The following RAET1G variants were observed in gnomAD, a reference collection of about 807,000 sequenced individuals.
RAET1G encodes retinoic acid early transcript 1G.
RAET1G carries 25 observed loss-of-function variants against 29.5 expected under a neutral mutation model. The ratio of observed to expected loss-of-function variants is 0.85; its 90% CI spans 0.62 to 1.18. RAET1G has a LOEUF of 1.18. Among genes scored for constraint, RAET1G ranks in the 50% most tolerant of loss-of-function variants. RAET1G has a pLI of 0.00. For synonymous variants in RAET1G, 167 were observed against 159.5 expected (o/e 1.05, Z -0.36); for missense variants, 434 against 423.6 (o/e 1.02, Z -0.22).
In RAET1G at chr6:149,919,330, C is replaced by G. The variant is rs1434596751; in HGVS notation, c.350-6G>C. Reference sequence around the variant, plus strand: ...GGCCTGCAGGGTGAGGGGTTCTGCCCCCATCAAAGAGAGATCAGCTCTGGC... The same window carrying G: ...GGCCTGCAGGGTGAGGGGTTCTGCCGCCATCAAAGAGAGATCAGCTCTGGC... On this transcript the variant is annotated splice_polypyrimidine_tract_variant and splice_region_variant and intron_variant, in intron 2 of 4. Coordinates refer to ENST00000367360, the MANE Select transcript of RAET1G (RefSeq NM_001001788.4). The G allele has an allele frequency of 1.2e-6, 2 of 1,611,896 alleles. No homozygotes were observed. Among genetic ancestry groups the G allele is most frequent in the Admixed American group, 1.7e-5 (1 of 59,890 alleles).
intron 1 of RAET1G, 89 bp from the exon 2 acceptor site, chr6:149,919,905 T>A: frequency 6.2e-7 from 1 of 1,609,850 alleles, no homozygotes. Flanking sequence ...AGGAAGCCTC[T>A]GGAGGGCTGG....
At chr6:149,922,336 G>C (rs1399169106) in intron 1 of RAET1G, among the ~76,000 whole-genome samples, 12 of 152,282 alleles carry the variant, frequency 7.9e-5, no homozygotes, top group African/African-American at 1.4e-4. Flanking sequence ...CTGAGGTGGG[G>C]AGTAAGAGGA....
At chr6:149,920,095 A>G (rs1045298944) in intron 1 of RAET1G, among the ~76,000 whole-genome samples, 2 of 152,160 alleles carry the variant, frequency 1.3e-5, no homozygotes, top group African/African-American at 4.8e-5. Flanking sequence ...ACCTTGCTAG[A>G]GAGGTGCCAG....
chr6:149,921,600 C>T (rs868284032), intron 1 of RAET1G, among the ~76,000 whole-genome samples: 1 of 152,192 alleles, frequency 6.6e-6, no homozygotes, highest in South Asian at 2.1e-4. Context: ...CCCAGGACAC[C>T]ACGTGGCTGC....
In RAET1G at chr6:149,922,862, GC is replaced by G. The variant is rs1031083355; in HGVS notation, c.85+63del. The G allele has an allele frequency of 1.7e-4, 209 of 1,203,658 alleles. 3 individuals are homozygous for G. In the Middle Eastern group the frequency reaches 7.5e-3, roughly 43 times the overall value. The allele number at this position is 1,203,658 out of a possible 1,614,324, so 74.6% of individuals were successfully genotyped here. A position where few individuals can be genotyped will look rare whatever the true frequency, so the allele number is the denominator to read the frequency against. On this transcript the variant is annotated intron_variant, in intron 1 of 4. Coordinates refer to ENST00000367360, the MANE Select transcript of RAET1G (RefSeq NM_001001788.4). ...TTCCAGAAGCCTCCCCTCCTCTGAA[GC>G]CCACAGTCCACAGCCCCCCACGGTT...
rs142358590 is a variant in RAET1G, at chr6:149,920,191, A to G, written c.86-375T>C. On this transcript the variant is annotated intron_variant, in intron 1 of 4. Transcript: ENST00000367360. Reference sequence around the variant, plus strand: ...TGTGGGAGGTGGGACAGGGTGTGGGAGCTGCACCTGAGGATACTGGTGCAT... The same window carrying G: ...TGTGGGAGGTGGGACAGGGTGTGGGGGCTGCACCTGAGGATACTGGTGCAT... Among the ~76,000 whole-genome samples, 654 of 152,246 alleles carry G rather than the reference A, an allele frequency of 4.3e-3. 4 individuals carry two copies. Among genetic ancestry groups the G allele is most frequent in the African/African-American group, 0.015 (628 of 41,542 alleles).
Position 149,919,293 on chromosome 6 carries a change from A to G in RAET1G, c.381T>C (p.Cys127=). 3 of 1,614,094 alleles carry G rather than the reference A, an allele frequency of 1.9e-6. No individual in the cohort carries two copies. Among genetic ancestry groups the G allele is most frequent in the Non-Finnish European group, 2.5e-6 (3 of 1,179,972 alleles). Reference sequence around the variant, plus strand: ...TGCCGTGTCCTTCGGCTTTCTGCTCACAAGACATCCTGGCCTGCAGGGTGA... The same window carrying G: ...TGCCGTGTCCTTCGGCTTTCTGCTCGCAAGACATCCTGGCCTGCAGGGTGA... ...EPLTLQARMS[C]EQKAEGHGSG... Residue 127 remains cysteine, a synonymous_variant, in exon 3 of 5, where the codon TGT becomes TGC. Coordinates refer to ENST00000367360, the MANE Select transcript of RAET1G (RefSeq NM_001001788.4).
chr6:149,919,373 C>G, intron 2 of RAET1G, 49 bp from the exon 3 acceptor site: 1 of 1,597,642 alleles, frequency 6.3e-7, no homozygotes, highest in African/African-American at 1.3e-5. Context: ...GATATTGAGC[C>G]CCCATCCTCT....
intron 1 of RAET1G, among the ~76,000 whole-genome samples, chr6:149,922,421 T>A (rs533567819): frequency 6.6e-6 from 1 of 151,554 alleles, no homozygotes; most frequent in Non-Finnish European, 1.5e-5. Context: ...TGCAGGTGAG[T>A]GTCTACAGGA....
At chr6:149,920,151 G>A (rs1032496700) in intron 1 of RAET1G, among the ~76,000 whole-genome samples, 17 of 152,340 alleles carry the variant, frequency 1.1e-4, no homozygotes, top group Non-Finnish European at 1.9e-4. Context: ...ATCTTCAGCA[G>A]TAGCCCACGT....
At position 149,919,097 on chromosome 6, in the gene RAET1G, A is replaced by T. The variant is rs140472946; in HGVS notation, c.577T>A (p.Trp193Arg). The T allele has an allele frequency of 6.2e-7, 1 of 1,614,060 alleles. No individual in the cohort carries two copies. Among genetic ancestry groups the T allele is most frequent in the Non-Finnish European group, 8.5e-7 (1 of 1,180,044 alleles). ...ATGCCCATCAAGAAGTCCTCAAGCC[A>T]TCCTGTGCAGTCTCCCATTGAGATG... is the stretch of plus-strand genomic sequence containing the variant. ...HYISMGDCTG[W>R]LEDFLMGMDS... The change falls in exon 3 of 5, where the codon TGG becomes AGG. Residue 193 changes from tryptophan to arginine, a missense_variant. By Grantham distance (101) the Trp-to-Arg change is moderately radical. Transcript: ENST00000367360.
rs767424557 is a variant in RAET1G, at chr6:149,922,993, G to T, written c.18C>A (p.Ser6Arg). 3.7e-6 allele frequency: 6 copies of T among 1,602,748 alleles called. No homozygotes were observed. Among genetic ancestry groups the T allele is most frequent in the African/African-American group, 1.3e-5 (1 of 74,866 alleles). MAAAA[S>R]PAFLLRLPLL... is the part of the protein sequence containing the mutation. ...GCGGGAGGCGTAGAAGGAACGCGGGGCTGGCGGCCGCTGCCATTGGGGAGT... is the reference window on the plus strand; with the variant it reads ...GCGGGAGGCGTAGAAGGAACGCGGGTCTGGCGGCCGCTGCCATTGGGGAGT... Residue 6 changes from serine to arginine, a missense_variant, in exon 1 of 5, where the codon AGC becomes AGA. By Grantham distance (110) the Ser-to-Arg change is moderately radical. Transcript: ENST00000367360.
At chr6:149,917,209 A>G (rs907203019) in intron 4 of RAET1G, 135 bp from the exon 5 acceptor site, 4 of 1,271,486 alleles carry the variant, frequency 3.1e-6, no homozygotes, top group South Asian at 2.2e-5. Context: ...ATGAAAGTGG[A>G]CCAGGAGCGT....
At chr6:149,918,453 C>T (rs371753973) in intron 3 of RAET1G, 69 bp from the exon 4 acceptor site, 3 of 1,509,940 alleles carry the variant, frequency 2.0e-6, no homozygotes, top group South Asian at 1.1e-5. Flanking sequence ...CTCCTCAGCT[C>T]CTGCTGACCC....
At chr6:149,921,298 C>T (rs1315795117) in intron 1 of RAET1G, among the ~76,000 whole-genome samples, 1 of 152,210 alleles carries the variant, frequency 6.6e-6, no homozygotes, top group Non-Finnish European at 1.5e-5. Context: ...AGAATCACAA[C>T]ATAGATTCCA....
chr6:149,919,144 T>A lies in RAET1G; in HGVS notation c.530A>T (p.Asp177Val), dbSNP rs1778529663. 1.2e-6 allele frequency: 2 copies of A among 1,614,202 alleles called. No individual in the cohort carries two copies. The highest frequency in any genetic ancestry group is 1.1e-5 in the South Asian group (1 of 91,080). The change falls in exon 3 of 5, where the codon GAT (aspartate) becomes GTT (valine). Residue 177 changes from aspartate (D) to valine (V), a missense_variant. Physicochemically the swap from Asp to Val is radical, Grantham distance 152 (BLOSUM62 -3). Transcript: ENST00000367360. ...GATGTAATGGAAGGACATGGTCATATCCTTGTCATTCTCCCACTTTTCTTT... is the reference window on the plus strand; with the variant it reads ...GATGTAATGGAAGGACATGGTCATAACCTTGTCATTCTCCCACTTTTCTTT... ...KMKEKWENDK[D>V]MTMSFHYISM...
In RAET1G at chr6:149,919,147, T is replaced by C; in HGVS notation, c.527A>G (p.Lys176Arg). The change falls in exon 3 of 5, where the codon AAG becomes AGG. Residue 176 changes from lysine (K) to arginine (R), a missense_variant. Lys to Arg is a conservative substitution (Grantham distance 26). Transcript: ENST00000367360. Reference sequence around the variant, plus strand: ...GTAATGGAAGGACATGGTCATATCCTTGTCATTCTCCCACTTTTCTTTCAT... The same window carrying C: ...GTAATGGAAGGACATGGTCATATCCCTGTCATTCTCCCACTTTTCTTTCAT... ...RKMKEKWEND[K>R]DMTMSFHYIS... 6.2e-7 allele frequency: 1 copy of C among 1,614,224 alleles called. No individual in the cohort carries two copies. Among genetic ancestry groups the C allele is most frequent in the East Asian group, 2.2e-5 (1 of 44,890 alleles).
chr6:149,923,118 C>G lies in RAET1G; in HGVS notation c.-108G>C. On this transcript the variant is annotated 5_prime_UTR_variant, in exon 1 of 5. Coordinates refer to ENST00000367360, the MANE Select transcript of RAET1G (RefSeq NM_001001788.4). Reference sequence around the variant, plus strand: ...CCCGTCTGAATGCAGCCCTAAACTCCAGTAAGCCCTAAACTCTAGCACTCC... The same window carrying G: ...CCCGTCTGAATGCAGCCCTAAACTCGAGTAAGCCCTAAACTCTAGCACTCC... 2.7e-6 allele frequency: 2 copies of G among 732,612 alleles called. No individual in the cohort carries two copies. Among genetic ancestry groups the G allele is most frequent in the Non-Finnish European group, 4.5e-6 (2 of 440,366 alleles). 45.4% of individuals were successfully genotyped at this position (732,612 alleles called of 1,614,324 possible). A position where few individuals can be genotyped will look rare whatever the true frequency, so the allele number is the denominator to read the frequency against.
Position 149,923,046 on chromosome 6 carries a change from G to A in RAET1G, c.-36C>T, listed in dbSNP as rs1778632763. 1 of 1,503,950 alleles carries A rather than the reference G, an allele frequency of 6.6e-7. No homozygotes were observed. The highest frequency in any genetic ancestry group is 9.0e-7 in the Non-Finnish European group (1 of 1,106,372). The allele number at this position is 1,503,950 out of a possible 1,614,324, so 93.2% of individuals were successfully genotyped here. A position where few individuals can be genotyped will look rare whatever the true frequency, so the allele number is the denominator to read the frequency against. Reference sequence around the variant, plus strand: ...GATCGCAGGGGACAGCAGAAGCGAAGCCCAGCCCGTGGATCACCTGGCGGC... The same window carrying A: ...GATCGCAGGGGACAGCAGAAGCGAAACCCAGCCCGTGGATCACCTGGCGGC... On this transcript the variant is annotated 5_prime_UTR_variant, in exon 1 of 5. Coordinates refer to ENST00000367360, the MANE Select transcript of RAET1G (RefSeq NM_001001788.4).
Sources: allele counts gnomAD v4.1 joint callset (sites outside exome capture counted in the v4.1 genomes callset), GRCh38; gene constraint gnomAD v4.1.1; transcripts MANE v1.5; gene names NCBI Gene and HGNC (gene_info 2026-07-23, HGNC 2026-07-21).